WBP4: variants seen among roughly 807,000 people sequenced by gnomAD.
WBP4 encodes WW domain binding protein 4, also known as WW domain-binding protein 4.
In WBP4, 37 loss-of-function variants were observed where a neutral mutation model predicts 55.4. The observed-to-expected ratio is 0.67, with a 90% CI of 0.51 to 0.88. The LOEUF is 0.88. Among genes scored for constraint, WBP4 ranks in the 40% least tolerant of loss-of-function variants. WBP4 has a pLI of 0.00. For synonymous variants in WBP4, 142 were observed against 140.2 expected, an observed-to-expected ratio of 1.01 and a Z score of -0.09; for missense variants, 398 against 420.8, an observed-to-expected ratio of 0.95 and a Z score of 0.47.
At chr13:41,076,272 T>A (rs780168993) in intron 8 of WBP4, 35 bp downstream of exon 8, 16 of 349,374 alleles carry the variant, frequency 4.6e-5, no homozygotes, top group East Asian at 2.1e-4. Context: ...ACATCAAATT[T>A]TTTTTTTTTT....
chr13:41,067,295 A>G (rs896200348), intron 4 of WBP4, among the ~76,000 whole-genome samples: 4 of 152,354 alleles, frequency 2.6e-5, no homozygotes, highest in South Asian at 2.1e-4. Context: ...TACCTGATCT[A>G]TCAAACTAAT....
chr13:41,073,723 C>G (rs1286457852), intron 7 of WBP4, among the ~76,000 whole-genome samples: 1 of 151,994 alleles, frequency 6.6e-6, no homozygotes, highest in South Asian at 2.1e-4. Flanking sequence ...CAGAGAATCA[C>G]TTGAACCCAG....
At chr13:41,068,874 G>GGCAAAA in intron 5 of WBP4, 137 bp downstream of exon 5, 1 of 981,794 alleles carries the variant, frequency 1.0e-6, no homozygotes, top group Non-Finnish European at 1.4e-6. Context: ...TTGCCCCAAA[G>GGCAAAA]GTAAGAAAAC....
chr13:41,062,718 T>C lies in WBP4; in HGVS notation c.75+2T>C. The C allele has an allele frequency of 6.2e-7, 1 of 1,603,368 alleles. No homozygotes were observed. The highest frequency in any genetic ancestry group is 8.5e-7 in the Non-Finnish European group (1 of 1,174,304). On this transcript the variant is annotated splice_donor_variant, in intron 2 of 9. Transcript: ENST00000379487. LOFTEE classifies it high-confidence loss of function. The stretch of plus-strand genomic sequence containing the variant: ...TGCTGGATAGCAGACAATAGGCCTG[T>C]ATGATAATTCCGCTGTTAGAGATTC...
intron 1 of WBP4, 129 bp downstream of exon 1, chr13:41,061,804 C>A: frequency 6.8e-7 from 1 of 1,464,372 alleles, no homozygotes. Flanking sequence ...TTAACTCGCT[C>A]GGGACCGGCC....
At chr13:41,073,555 C>A (rs1878345327) in intron 7 of WBP4, among the ~76,000 whole-genome samples, 1 of 151,786 alleles carries the variant, frequency 6.6e-6, no homozygotes, top group Admixed American at 6.6e-5. Flanking sequence ...TGGCTCACGC[C>A]TGTAATCTCA....
chr13:41,079,404 T>C (rs996243979), intron 8 of WBP4, among the ~76,000 whole-genome samples: 7 of 152,020 alleles, frequency 4.6e-5, no homozygotes, highest in Non-Finnish European at 8.8e-5. Flanking sequence ...ACCCCATCTC[T>C]ACTAAAAATG....
chr13:41,072,729 A>G (rs990972739), intron 6 of WBP4, 53 bp from the exon 7 acceptor site: 43 of 1,541,028 alleles, frequency 2.8e-5, no homozygotes, highest in African/African-American at 6.9e-5. Flanking sequence ...GAGTTATTCA[A>G]TAGAAAATCA....
chr13:41,062,257 G>T (rs1454283753), intron 1 of WBP4: 1 of 985,080 alleles, frequency 1.0e-6, no homozygotes, highest in South Asian at 4.7e-5. Context: ...TGTTCTCTTG[G>T]TGGGAATAAC....
At chr13:41,075,698 G>A (rs573794527) in intron 7 of WBP4, among the ~76,000 whole-genome samples, 8 of 152,302 alleles carry the variant, frequency 5.3e-5, no homozygotes, top group Admixed American at 2.6e-4. Context: ...GGAAATCTCT[G>A]TGATAAGCAA....
chr13:41,064,758 A>G (rs1877870015), intron 2 of WBP4, among the ~76,000 whole-genome samples: 1 of 152,008 alleles, frequency 6.6e-6, no homozygotes, highest in Non-Finnish European at 1.5e-5. Context: ...GGTACCTTGT[A>G]TTTTTCTCCA....
rs895812121 is a variant in WBP4, at chr13:41,062,631, C to T, written c.3-13C>T. ...TTTTACATGAGCTTAGCCTTGTTGTCTCTCTTTTTCAGGGCGGACTACTGG... is the reference window on the plus strand; with the variant it reads ...TTTTACATGAGCTTAGCCTTGTTGTTTCTCTTTTTCAGGGCGGACTACTGG... On this transcript the variant is annotated splice_polypyrimidine_tract_variant and intron_variant, in intron 1 of 9. Transcript: ENST00000379487. 18 of 1,611,964 alleles carry T rather than the reference C, an allele frequency of 1.1e-5. No individual in the cohort carries two copies. Among genetic ancestry groups the T allele is most frequent in the Non-Finnish European group, 1.5e-5 (18 of 1,179,112 alleles).
chr13:41,071,594 G>C (rs753021519), intron 6 of WBP4, 21 bp downstream of exon 6: 6 of 1,594,278 alleles, frequency 3.8e-6, no homozygotes, highest in Admixed American at 3.5e-5. Context: ...CATATTAATA[G>C]TGTTTTTGTT....
At chr13:41,069,526 A>G (rs1878134310) in intron 5 of WBP4, among the ~76,000 whole-genome samples, 1 of 151,946 alleles carries the variant, frequency 6.6e-6, no homozygotes, top group African/African-American at 2.4e-5. Flanking sequence ...GCCAGGCATG[A>G]TGGTGGGCAC....
At chr13:41,062,097 T>G (rs1343034192) in intron 1 of WBP4, 2 of 162,542 alleles carry the variant, frequency 1.2e-5, no homozygotes, top group Non-Finnish European at 7.4e-6. Flanking sequence ...AGCGTAATGG[T>G]TTTTTTTTTT....
intron 4 of WBP4, among the ~76,000 whole-genome samples, chr13:41,066,095 G>A (rs1205351139): frequency 6.6e-6 from 1 of 152,306 alleles, no homozygotes; most frequent in African/African-American, 2.4e-5. Flanking sequence ...TAATTAAAAG[G>A]TGGGAAAGTT....
At chr13:41,062,862 C>G (rs1356356703) in intron 2 of WBP4, 146 bp downstream of exon 2, 1 of 586,280 alleles carries the variant, frequency 1.7e-6, no homozygotes, top group Non-Finnish European at 2.8e-6. Flanking sequence ...CTTCTCAGTC[C>G]CCTATGAAAG....
chr13:41,082,335 A>T (rs1397667529), intron 9 of WBP4, among the ~76,000 whole-genome samples: 1 of 152,048 alleles, frequency 6.6e-6, no homozygotes, highest in African/African-American at 2.4e-5. Context: ...CGCATCTCGA[A>T]ACTCCTGAGC....
intron 7 of WBP4, among the ~76,000 whole-genome samples, chr13:41,075,508 A>G (rs994687607): frequency 1.3e-5 from 2 of 152,086 alleles, no homozygotes; most frequent in Non-Finnish European, 2.9e-5. Context: ...CAGCCTCCTG[A>G]GTAGTGGGTA....
Sources: gnomAD v4.1 joint callset for allele counts (sites outside exome capture counted in the v4.1 genomes callset) on GRCh38, gnomAD v4.1.1 for gene constraint, MANE v1.5 for transcripts, NCBI Gene and HGNC (gene_info 2026-07-23, HGNC 2026-07-21) for gene names.